Variants in CELF2 observed in about 807,000 individuals in gnomAD.
CELF2 encodes the protein CUG triplet repeat RNA-binding protein 2.
A neutral mutation model predicts 62.6 loss-of-function variants in CELF2; 8 were observed. The ratio of observed to expected loss-of-function variants is 0.13; its 90% confidence interval spans 0.07 to 0.23. CELF2 has a LOEUF of 0.23. CELF2 is among the 10% of genes least tolerant of loss of function. The probability of loss-of-function intolerance (pLI) is 1.00; values close to 1 mark genes in which losing one functional copy is unlikely to be tolerated. For synonymous variants in CELF2, 258 were observed against 250.0 expected, an observed-to-expected ratio of 1.03 and a Z score of -0.30; for missense variants, 333 against 671.0, an observed-to-expected ratio of 0.50 and a Z score of 5.56.
intron 1 of CELF2, among the ~76,000 whole-genome samples, chr10:11,073,159 G>T (rs1169033713): frequency 6.6e-6 from 1 of 152,084 alleles, no homozygotes; most frequent in Non-Finnish European, 1.5e-5. Flanking sequence ...CACAAATCTG[G>T]ACAGAGCAGA....
At chr10:10,479,738 T>A in the CELF2 span, among the ~76,000 whole-genome samples, 1 of 152,216 alleles carries the variant, frequency 6.6e-6, no homozygotes, top group Non-Finnish European at 1.5e-5. Context: ...AACTCAAGTT[T>A]ACACACTTGG....
intron 1 of CELF2, among the ~76,000 whole-genome samples, chr10:11,103,331 A>AT (rs3054362): frequency 1.8e-3 from 268 of 145,430 alleles, no homozygotes; most frequent in South Asian, 3.0e-3. Flanking sequence ...TACATTATGG[A>AT]TTTTTTTTTT....
the CELF2 span, among the ~76,000 whole-genome samples, chr10:10,667,471 A>G: frequency 5.8e-3 from 880 of 152,370 alleles, 2 homozygotes; most frequent in Non-Finnish European, 8.3e-3. Flanking sequence ...ACAAAAGGCC[A>G]CAGGAATAGC....
intron 2 of CELF2, among the ~76,000 whole-genome samples, chr10:10,922,016 G>A (rs1171549339): frequency 6.6e-6 from 1 of 152,030 alleles, no homozygotes; most frequent in Non-Finnish European, 1.5e-5. Flanking sequence ...GGAGAACAGG[G>A]GAAAGTACAA....
the CELF2 span, among the ~76,000 whole-genome samples, chr10:10,567,679 C>A: frequency 6.6e-6 from 1 of 152,086 alleles, no homozygotes; most frequent in South Asian, 2.1e-4. Flanking sequence ...TGAATCTTGA[C>A]CAGTTATTAG....
chr10:10,647,804 T>C, the CELF2 span, among the ~76,000 whole-genome samples: 1 of 152,222 alleles, frequency 6.6e-6, no homozygotes, highest in Admixed American at 6.5e-5. Context: ...TACCACTAAA[T>C]AAACCTGCTA....
chr10:11,190,921 G>T lies in CELF2; in HGVS notation c.271+25239G>T, dbSNP rs552790412. 3.9e-5 allele frequency among the ~76,000 whole-genome samples: 6 copies of T among 152,252 alleles called. No homozygotes were observed. The East Asian group carries it at 1.2e-3, about 29-fold the overall frequency. On this transcript the variant is annotated intron_variant, in intron 2 of 12. Coordinates refer to ENST00000633077, the MANE Select transcript of CELF2 (RefSeq NM_001326342.2). Reference sequence around the variant, plus strand: ...GAGGGAACAGGGAGTAAGAGTGTAAGGGGGATGGAGGTTTAGTGTGGGGAG... The same window carrying T: ...GAGGGAACAGGGAGTAAGAGTGTAATGGGGATGGAGGTTTAGTGTGGGGAG...
the CELF2 span, among the ~76,000 whole-genome samples, chr10:10,597,278 C>T: frequency 2.7e-3 from 408 of 152,238 alleles, 5 homozygotes; most frequent in African/African-American, 8.8e-3. Flanking sequence ...TGGAATCAGC[C>T]ACATTAAACT....
At chr10:11,295,571 G>C (rs1369083434) in intron 9 of CELF2, among the ~76,000 whole-genome samples, 2 of 152,176 alleles carry the variant, frequency 1.3e-5, no homozygotes, top group African/African-American at 4.8e-5. Context: ...GTGCAGCAGA[G>C]AGCTGGGAGT....
At chr10:10,884,938 A>G (rs574977754) in intron 1 of CELF2, among the ~76,000 whole-genome samples, 1 of 152,268 alleles carries the variant, frequency 6.6e-6, no homozygotes, top group South Asian at 2.1e-4. Flanking sequence ...TTAGTAAGTG[A>G]TTTTTAAGAT....
the CELF2 span, among the ~76,000 whole-genome samples, chr10:10,571,422 C>A: frequency 1.4e-4 from 21 of 152,264 alleles, no homozygotes; most frequent in East Asian, 3.9e-3. Flanking sequence ...TGCATCCAAT[C>A]GCCCAAATAA....
chr10:11,014,522 T>C (rs1410139428), upstream of CELF2, among the ~76,000 whole-genome samples: 1 of 152,244 alleles, frequency 6.6e-6, no homozygotes, highest in African/African-American at 2.4e-5. Context: ...TGTATTCTGG[T>C]TCACTGATTG....
Position 11,302,754 on chromosome 10 carries a change from A to G in CELF2, c.977-11385A>G, listed in dbSNP as rs950751437. Among the ~76,000 whole-genome samples the G allele has an allele frequency of 2.0e-5, 3 of 152,106 alleles. No individual in the cohort carries two copies. The highest frequency in any genetic ancestry group is 4.4e-5 in the Non-Finnish European group (3 of 68,022). ...TTTAAGCTTAATGGGGCTTGTATTT[A>G]TGTCGATCCTTTGTTCTCGGGTCTC... On this transcript the variant is annotated intron_variant, in intron 9 of 12. Transcript: ENST00000633077. The surrounding 1 kb of genome is among the most constrained non-coding windows in gnomAD (Gnocchi z 5.0).
the CELF2 span, among the ~76,000 whole-genome samples, chr10:10,556,204 C>G: frequency 6.6e-6 from 1 of 152,012 alleles, no homozygotes; most frequent in Non-Finnish European, 1.5e-5. Flanking sequence ...CATCACAGTC[C>G]CCAGAGTGTG....
chr10:10,478,074 A>G, the CELF2 span, among the ~76,000 whole-genome samples: 4 of 152,184 alleles, frequency 2.6e-5, no homozygotes, highest in Admixed American at 6.6e-5. Context: ...GATTCTATAT[A>G]AACAGTTTTC....
chr10:10,971,364 C>T (rs565375461), intron 2 of CELF2, among the ~76,000 whole-genome samples: 37 of 152,320 alleles, frequency 2.4e-4, no homozygotes, highest in African/African-American at 8.7e-4. Context: ...ACCTCAACCC[C>T]CCTCACCTTA....
At position 11,318,185 on chromosome 10, in the gene CELF2, C is replaced by T. The variant is rs1161093980; in HGVS notation, c.1097-3004C>T. The T allele has an allele frequency of 6.5e-6, 1 of 153,608 alleles. No homozygotes were observed. The highest frequency in any genetic ancestry group is 1.4e-5 in the Non-Finnish European group (1 of 69,150). 9.5% of individuals were successfully genotyped at this position (153,608 alleles called of 1,614,324 possible). A position where few individuals can be genotyped will look rare whatever the true frequency, so the allele number is the denominator to read the frequency against. The stretch of plus-strand genomic sequence containing the variant: ...TGGAAGGCCGCCTCTGATTGTTCTT[C>T]AAACCCTACCAGGTTTTCAGCTACT... On this transcript the variant is annotated intron_variant, in intron 10 of 12. Transcript: ENST00000633077. This position sits in a 1 kb window ranked among gnomAD's most constrained non-coding sequence, Gnocchi z 5.4.
At chr10:11,266,757 T>A in intron 6 of CELF2, 80 bp downstream of exon 6, 1 of 1,100,686 alleles carries the variant, frequency 9.1e-7, no homozygotes, top group Non-Finnish European at 1.4e-6. Flanking sequence ...CTGTGTGGAT[T>A]GTTCACATGA....
intron 1 of CELF2, among the ~76,000 whole-genome samples, chr10:10,884,475 G>A (rs891474989): frequency 6.6e-6 from 1 of 152,316 alleles, no homozygotes; most frequent in Admixed American, 6.5e-5. Context: ...GAATGATGCT[G>A]CACTCCCAGA....
Sources: gnomAD v4.1 joint callset for allele counts (sites outside exome capture counted in the v4.1 genomes callset) on GRCh38, gnomAD v4.1.1 for gene constraint, Gnocchi (gnomAD v3.1) non-coding constraint, MANE v1.5 for transcripts, NCBI Gene and HGNC (gene_info 2026-07-23, HGNC 2026-07-21) for gene names.